The following FURIN variants were observed in gnomAD, a reference collection of about 807,000 sequenced individuals.
The protein encoded by FURIN is furin, paired basic amino acid cleaving enzyme, also known as FES upstream region.
In FURIN, 18 loss-of-function variants were observed where a neutral mutation model predicts 89.2. The ratio of observed to expected loss-of-function variants is 0.20; its 90% CI spans 0.14 to 0.30. The LOEUF (loss-of-function observed/expected upper bound fraction) is 0.30. Among genes scored for constraint, FURIN ranks in the 10% least tolerant of loss-of-function variants. FURIN has a pLI of 1.00. For missense variants in FURIN, 879 were observed against 1,100.5 expected (o/e 0.80, Z 2.85); for synonymous variants, 508 against 466.4 (o/e 1.09, Z -1.15).
rs1424247556 is a variant in FURIN, at chr15:90,879,692, C to T, written c.1176C>T (p.Asp392=). Residue 392 remains aspartate, a synonymous_variant, in exon 11 of 16, where the codon GAC becomes GAT. Transcript: ENST00000268171. ...LEANKNLTWR[D]MQHLVVQTSK... is the part of the protein sequence containing the mutation. Reference sequence around the variant, plus strand: ...GCAGTAAGAACCTCACATGGCGGGACATGCAACACCTGGTGGTACAGACCT... The same window carrying T: ...GCAGTAAGAACCTCACATGGCGGGATATGCAACACCTGGTGGTACAGACCT... The T allele has an allele frequency of 2.5e-6, 4 of 1,613,532 alleles. No homozygotes were observed. The South Asian group carries it at 3.3e-5, about 13-fold the overall frequency.
Position 90,876,171 on chromosome 15 carries a change from A to G in FURIN, c.178-84A>G, listed in dbSNP as rs2151222902. ...CACCCCCGACCGTGGCGAGCCTCCC[A>G]TGAAGCCGTTGTCCACCCCCGTCCC... On this transcript the variant is annotated intron_variant, in intron 2 of 15. Transcript: ENST00000268171. The surrounding 1 kb of genome is among the most constrained non-coding windows in gnomAD (Gnocchi z 5.0). The G allele has an allele frequency of 1.0e-6, 1 of 980,344 alleles. No homozygotes were observed. The highest frequency in any genetic ancestry group is 1.6e-6 in the Non-Finnish European group (1 of 617,168). 60.7% of individuals were successfully genotyped at this position (980,344 alleles called of 1,614,324 possible). A position where few individuals can be genotyped will look rare whatever the true frequency, so the allele number is the denominator to read the frequency against.
intron 1 of FURIN, among the ~76,000 whole-genome samples, chr15:90,874,236 C>T (rs552876954): frequency 4.6e-5 from 7 of 152,366 alleles, no homozygotes; most frequent in East Asian, 1.9e-4. Context: ...GAGGTCCCGC[C>T]GTCTGTTTGC....
Position 90,879,508 on chromosome 15 carries a change from TAGC to T in FURIN, c.1122_1124del (p.Ala375del). On this transcript the variant is annotated inframe_deletion, in exon 10 of 16. Transcript: ENST00000268171. ...ACGGGCACCTCAGCCTCTGCCCCCT[TAGC>T]AGCCGGCATCATTGCTCTCACCCTG... 6.2e-7 allele frequency: 1 copy of T among 1,613,344 alleles called. No individual in the cohort carries two copies.
rs958469764 is a variant in FURIN, at chr15:90,876,750, A to G, written c.373-146A>G. On this transcript the variant is annotated intron_variant, in intron 4 of 15. Coordinates refer to ENST00000268171, the MANE Select transcript of FURIN (RefSeq NM_002569.4). The surrounding 1 kb of genome is among the most constrained non-coding windows in gnomAD (Gnocchi z 5.0). ...CCCTCCCAGAGTCCTCTACATTCCC[A>G]TGGAGTCCAGACAGCCAGTGGCGGC... is the stretch of plus-strand genomic sequence containing the variant. 2.1e-6 allele frequency: 2 copies of G among 938,122 alleles called. No homozygotes were observed. The highest frequency in any genetic ancestry group is 2.5e-5 in the East Asian group (1 of 39,796). The allele number at this position is 938,122 out of a possible 1,614,324, so 58.1% of individuals were successfully genotyped here.
At chr15:90,873,482 TTGG>T (rs1567081707) in intron 1 of FURIN, among the ~76,000 whole-genome samples, 1 of 151,730 alleles carries the variant, frequency 6.6e-6, no homozygotes, top group Non-Finnish European at 1.5e-5. Context: ...AGCACGGTGG[TTGG>T]TGGTGGTGGG....
chr15:90,880,874 A>C, intron 14 of FURIN, 56 bp from the exon 15 acceptor site: 2 of 1,610,544 alleles, frequency 1.2e-6, no homozygotes, highest in Non-Finnish European at 1.7e-6. Context: ...GATCTCGAGC[A>C]CTGGGTGTGG....
intron 1 of FURIN, among the ~76,000 whole-genome samples, chr15:90,873,407 G>A (rs772610429): frequency 4.6e-5 from 7 of 152,200 alleles, no homozygotes; most frequent in Non-Finnish European, 1.0e-4. Context: ...CATCTACAGT[G>A]TGCTGGAATC....
chr15:90,879,820 A>G (rs779793087), intron 11 of FURIN, 46 bp downstream of exon 11: 12 of 1,606,906 alleles, frequency 7.5e-6, no homozygotes, highest in Non-Finnish European at 1.0e-5. Context: ...GTTAGGTAGA[A>G]GGCACTCTGT....
Position 90,880,593 on chromosome 15 carries a change from G to T in FURIN, c.1557-98G>T, listed in dbSNP as rs934968567. On this transcript the variant is annotated intron_variant, in intron 13 of 15. Coordinates refer to ENST00000268171, the MANE Select transcript of FURIN (RefSeq NM_002569.4). ...ACTTCTGGCCCCATGGGGTTGGTCT[G>T]CGTGGGGGAAGGGTGTGTGGCCCAT... The T allele has an allele frequency of 2.9e-6, 4 of 1,365,804 alleles. No homozygotes were observed. In the African/African-American group the frequency reaches 4.3e-5, roughly 15 times the overall value. 84.6% of individuals were successfully genotyped at this position (1,365,804 alleles called of 1,614,324 possible).
chr15:90,876,385 A>G lies in FURIN; in HGVS notation c.276+32A>G, dbSNP rs772117203. The G allele has an allele frequency of 6.7e-7, 1 of 1,488,974 alleles. No individual in the cohort carries two copies. Among genetic ancestry groups the G allele is most frequent in the Non-Finnish European group, 9.3e-7 (1 of 1,071,048 alleles). The allele number at this position is 1,488,974 out of a possible 1,614,324, so 92.2% of individuals were successfully genotyped here. A position where few individuals can be genotyped will look rare whatever the true frequency, so the allele number is the denominator to read the frequency against. Reference sequence around the variant, plus strand: ...GTGGCCCCAGCCCCCTCCTGCTGCCACCCTCCCCCTCCTGCTCTCAGGAGC... The same window carrying G: ...GTGGCCCCAGCCCCCTCCTGCTGCCGCCCTCCCCCTCCTGCTCTCAGGAGC... On this transcript the variant is annotated intron_variant, in intron 3 of 15. Coordinates refer to ENST00000268171, the MANE Select transcript of FURIN (RefSeq NM_002569.4). The surrounding 1 kb of genome is among the most constrained non-coding windows in gnomAD (Gnocchi z 5.0).
At chr15:90,879,798 G>C in intron 11 of FURIN, 24 bp downstream of exon 11, 3 of 1,609,790 alleles carry the variant, frequency 1.9e-6, no homozygotes, top group Non-Finnish European at 8.5e-7. Flanking sequence ...GGCCCGGCAG[G>C]CTGGATGTGG....
At chr15:90,869,694 T>A (rs982393453) in intron 1 of FURIN, among the ~76,000 whole-genome samples, 1 of 152,172 alleles carries the variant, frequency 6.6e-6, no homozygotes, top group Non-Finnish European at 1.5e-5. Context: ...GTGGCAGTCA[T>A]CTGAGCCTAG....
At position 90,883,440 on chromosome 15, in the gene FURIN, G is replaced by C. The variant is rs1199299685; in HGVS notation, c.*1562G>C. 1 of 152,596 alleles carries C rather than the reference G, an allele frequency of 6.6e-6. No homozygotes were observed. The highest frequency in any genetic ancestry group is 2.4e-5 in the African/African-American group (1 of 41,474). The allele number at this position is 152,596 out of a possible 1,614,324, so 9.5% of individuals were successfully genotyped here. A position where few individuals can be genotyped will look rare whatever the true frequency, so the allele number is the denominator to read the frequency against. On this transcript the variant is annotated 3_prime_UTR_variant, in exon 16 of 16. Coordinates refer to ENST00000268171, the MANE Select transcript of FURIN (RefSeq NM_002569.4). ...TAGAGGTTTTAAAGTGATTAAACGT[G>C]CAGACTATGCAAACCAGGCCCAGTC...
rs1259266560 is a variant in FURIN, at chr15:90,878,197, A to G, written c.733A>G (p.Asn245Asp). ...GGCACGCTCGCTGGGCCTGAACCCCAACCACATCCACATCTACAGTGCCAG... is the reference window on the plus strand; with the variant it reads ...GGCACGCTCGCTGGGCCTGAACCCCGACCACATCCACATCTACAGTGCCAG... ...VEARSLGLNP[N>D]HIHIYSASWG... Residue 245 changes from asparagine to aspartate, a missense_variant, in exon 8 of 16, where the codon AAC becomes GAC. Physicochemically the swap from Asn to Asp is conservative, Grantham distance 23 (BLOSUM62 1). Coordinates refer to ENST00000268171, the MANE Select transcript of FURIN (RefSeq NM_002569.4). 2 of 1,613,848 alleles carry G rather than the reference A, an allele frequency of 1.2e-6. No homozygotes were observed. Among genetic ancestry groups the G allele is most frequent in the Non-Finnish European group, 1.7e-6 (2 of 1,180,012 alleles).
intron 6 of FURIN, 34 bp downstream of exon 6, chr15:90,877,245 T>A: frequency 6.7e-7 from 1 of 1,491,754 alleles, no homozygotes; most frequent in Non-Finnish European, 9.2e-7. Flanking sequence ...TCTGCCTCCC[T>A]TCTCCTTTCT....
chr15:90,879,072 G>A, intron 9 of FURIN, 96 bp downstream of exon 9: 2 of 777,452 alleles, frequency 2.6e-6, no homozygotes, highest in Non-Finnish European at 4.2e-6. Flanking sequence ...CCACCCCCAT[G>A]TGGCTGGGTG....
At chr15:90,871,995 C>T (rs1380030825) in intron 1 of FURIN, among the ~76,000 whole-genome samples, 7 of 151,298 alleles carry the variant, frequency 4.6e-5, no homozygotes, top group Admixed American at 3.9e-4. Flanking sequence ...CTGCTGGGGG[C>T]GGGATGGGGA....
chr15:90,878,040 T>C, intron 7 of FURIN, 92 bp from the exon 8 acceptor site: 1 of 1,249,976 alleles, frequency 8.0e-7, no homozygotes, highest in East Asian at 2.4e-5. Context: ...ACTCATCCCC[T>C]GGGGTGCAGG....
intron 6 of FURIN, 61 bp from the exon 7 acceptor site, chr15:90,877,466 C>T (rs1567083352): frequency 1.5e-6 from 2 of 1,353,620 alleles, no homozygotes; most frequent in Non-Finnish European, 2.0e-6. Flanking sequence ...CCTCAGGCCA[C>T]ATCTGCCGGG....
Sources: allele counts gnomAD v4.1 joint callset (sites outside exome capture counted in the v4.1 genomes callset), GRCh38; gene constraint gnomAD v4.1.1; non-coding constraint Gnocchi (gnomAD v3.1); transcripts MANE v1.5; gene names NCBI Gene and HGNC (gene_info 2026-07-23, HGNC 2026-07-21).